The following ITIH6 variants were observed in gnomAD, a reference collection of about 807,000 sequenced individuals.
ITIH6 encodes inter-alpha-trypsin inhibitor heavy chain family member 6, also known as inter-alpha-trypsin inhibitor heavy chain H6.
In ITIH6, 60 loss-of-function variants were observed where a neutral mutation model predicts 58.2. The observed-to-expected ratio is 1.03, with a 90% CI of 0.84 to 1.28. The LOEUF (loss-of-function observed/expected upper bound fraction) is 1.28. ITIH6 is among the 50% of genes most tolerant of loss of function. The pLI is 0.00. For synonymous variants in ITIH6, 493 were observed against 417.4 expected, an observed-to-expected ratio of 1.18 and a Z score of -2.21; for missense variants, 1,290 against 1,021.1, an observed-to-expected ratio of 1.26 and a Z score of -3.59.
rs1308966044 is a variant in ITIH6, at chrX:54,759,840, A to G, written c.991T>C (p.Trp331Arg). ...IISFSDTVNV[W>R]KAGGSIQATI... is the part of the protein sequence containing the mutation. ...GCCTGGATTGAGCCTCCAGCTTTCC[A>G]AACATTAACTGTGTCAGAAAAGGAG... is the stretch of plus-strand genomic sequence containing the variant. Residue 331 changes from tryptophan to arginine, a missense_variant, in exon 7 of 13, where the codon TGG (tryptophan) becomes CGG (arginine). By Grantham distance (101) the Trp-to-Arg change is moderately radical. Coordinates refer to ENST00000218436, the MANE Select transcript of ITIH6 (RefSeq NM_198510.3). The G allele has an allele frequency of 8.3e-7, 1 of 1,208,735 alleles. No individual in the cohort carries two copies. The highest frequency in any genetic ancestry group is 1.1e-6 in the Non-Finnish European group (1 of 893,931).
In ITIH6 at chrX:54,758,533, T is replaced by C; in HGVS notation, c.1541A>G (p.Gln514Arg). 8.3e-7 allele frequency: 1 copy of C among 1,211,286 alleles called. No individual in the cohort carries two copies. Among genetic ancestry groups the C allele is most frequent in the Non-Finnish European group, 1.1e-6 (1 of 895,371 alleles). Reference sequence around the variant, plus strand: ...GGCTGCCAGGTGGATGCCCAGTTCCTGTTTGCCTGGCTGCACCTGTCCTGC... The same window carrying C: ...GGCTGCCAGGTGGATGCCCAGTTCCCGTTTGCCTGGCTGCACCTGTCCTGC... Reference protein sequence around the residue: ...VVAGQVQPGKQELGIHLAARG... With the variant: ...VVAGQVQPGKRELGIHLAARG... Residue 514 changes from glutamine (Q) to arginine (R), a missense_variant, in exon 8 of 13, where the codon CAG becomes CGG. Transcript: ENST00000218436.
At chrX:54,767,423 C>T (rs1426639106) in intron 6 of ITIH6, among the ~76,000 whole-genome samples, 1 of 103,333 alleles carries the variant, frequency 9.7e-6, no homozygotes, top group African/African-American at 3.9e-5. Context: ...TATTTCTTGC[C>T]TTCTGCTAGC....
At chrX:54,785,742 A>G (rs1461314211) in intron 5 of ITIH6, among the ~76,000 whole-genome samples, 1 of 111,518 alleles carries the variant, frequency 9.0e-6, no homozygotes, top group African/African-American at 3.3e-5. Flanking sequence ...TGAAAAGAAA[A>G]TGATTATGCT....
At position 54,757,317 on chromosome X, in the gene ITIH6, G is replaced by A; in HGVS notation, c.2757C>T (p.Thr919=). 2.5e-6 allele frequency: 3 copies of A among 1,198,817 alleles called. No individual in the cohort carries two copies. The South Asian group carries it at 5.5e-5, about 22-fold the overall frequency. Residue 919 remains threonine, a synonymous_variant, in exon 8 of 13, where the codon ACC becomes ACT. Transcript: ENST00000218436. ...GGAGGGGTTCTCCAAGGACAGAGGT[G>A]GTTGTGGTACTGCTGGGACCTGTGG... ...SSSTGPSSTT[T]TSVLGEPLPM...
At chrX:54,792,412 A>AAC (rs2147621671) in intron 2 of ITIH6, among the ~76,000 whole-genome samples, 1 of 112,241 alleles carries the variant, frequency 8.9e-6, no homozygotes, top group African/African-American at 3.2e-5. Flanking sequence ...ATGTATTTAC[A>AAC]GTAATGTTTC....
chrX:54,763,937 A>C (rs1928711264), intron 6 of ITIH6, among the ~76,000 whole-genome samples: 2 of 112,488 alleles, frequency 1.8e-5, no homozygotes, highest in South Asian at 7.3e-4. Context: ...TATATCATAT[A>C]ATGCAACTAT....
chrX:54,791,663 G>A (rs1929351189), intron 3 of ITIH6, among the ~76,000 whole-genome samples: 1 of 111,953 alleles, frequency 8.9e-6, no homozygotes, highest in African/African-American at 3.3e-5. Flanking sequence ...TAACCTTCCT[G>A]GAAGGTGCCA....
chrX:54,751,187 C>T lies in ITIH6; in HGVS notation c.3546G>A (p.Leu1182=), dbSNP rs1159231003. 2 of 1,211,770 alleles carry T rather than the reference C, an allele frequency of 1.7e-6. No individual in the cohort carries two copies. The highest frequency in any genetic ancestry group is 1.8e-5 in the South Asian group (1 of 56,930). ...LRLSWDQPAL[L]KRPQLELYVA... ...CATAGAGCTCCAGCTGGGGCCTCTT[C>T]AGCAGGGCAGGTTGGTCCCAGGACA... Residue 1182 remains leucine (L), a synonymous_variant, in exon 12 of 13, where the codon CTG becomes CTA. Coordinates refer to ENST00000218436, the MANE Select transcript of ITIH6 (RefSeq NM_198510.3).
chrX:54,758,936 G>A lies in ITIH6; in HGVS notation c.1138C>T (p.Pro380Ser), dbSNP rs200176802. 2 of 1,199,430 alleles carry A rather than the reference G, an allele frequency of 1.7e-6. No homozygotes were observed. The highest frequency in any genetic ancestry group is 1.1e-6 in the Non-Finnish European group (1 of 889,663). ...ASVLNHSNQEPGRGPSVGRIP... is the reference protein window; with the variant it reads ...ASVLNHSNQESGRGPSVGRIP... ...CTCCCCACACTGGGGCCCCTCCCAG[G>A]CTCCTGGTTGCTATGGTTCAGCACT... The change falls in exon 8 of 13, where the codon CCT becomes TCT. Residue 380 changes from proline (P) to serine (S), a missense_variant. Pro to Ser is a moderately conservative substitution (Grantham distance 74). Transcript: ENST00000218436.
At chrX:54,750,229 G>C (rs1928326504) in intron 12 of ITIH6, 123 bp from the exon 13 acceptor site, 1 of 529,250 alleles carries the variant, frequency 1.9e-6, no homozygotes, top group Middle Eastern at 5.6e-4. Context: ...GGCAGCAAAA[G>C]ACCAGAGGGA....
At chrX:54,780,594 G>A (rs913746082) in intron 5 of ITIH6, among the ~76,000 whole-genome samples, 4 of 111,437 alleles carry the variant, frequency 3.6e-5, no homozygotes, top group Non-Finnish European at 7.6e-5. Flanking sequence ...ACATAATGAT[G>A]CATCTTAAGG....
intron 5 of ITIH6, among the ~76,000 whole-genome samples, chrX:54,778,420 C>T (rs558730584): frequency 9.0e-6 from 1 of 111,011 alleles, no homozygotes; most frequent in South Asian, 3.8e-4. Flanking sequence ...GTCTCAAAGT[C>T]CTGACTTCAA....
rs754957787 is a variant in ITIH6, at chrX:54,753,761, T to C, written c.3242A>G (p.Asp1081Gly). 24 of 1,190,665 alleles carry C rather than the reference T, an allele frequency of 2.0e-5. No individual in the cohort carries two copies. The Admixed American group carries it at 4.8e-4, about 24-fold the overall frequency. ...TTGGATCACAAAGTGGGGGTCCCCG[T>C]CCACTGCAAGGCAGAAGATACAACT... Reference protein sequence around the residue: ...PSIFTFSSSVDGDPHFVIQIP... With the variant: ...PSIFTFSSSVGGDPHFVIQIP... Residue 1081 changes from aspartate to glycine, a missense_variant, in exon 11 of 13, where the codon GAC becomes GGC. Transcript: ENST00000218436.
chrX:54,759,222 G>A (rs961388527), intron 7 of ITIH6, among the ~76,000 whole-genome samples: 28 of 110,999 alleles, frequency 2.5e-4, no homozygotes, highest in African/African-American at 9.2e-4. Flanking sequence ...GTCTCACACT[G>A]TTCTTTGTCT....
intron 6 of ITIH6, among the ~76,000 whole-genome samples, chrX:54,773,624 C>T (rs1928995416): frequency 9.1e-6 from 1 of 109,622 alleles, no homozygotes; most frequent in Non-Finnish European, 1.9e-5. Flanking sequence ...AGATTAAAAT[C>T]GATATGACTC....
chrX:54,753,901 C>G, intron 10 of ITIH6, 29 bp downstream of exon 10: 1 of 1,203,542 alleles, frequency 8.3e-7, no homozygotes, highest in South Asian at 1.8e-5. Flanking sequence ...TGTACTCAAA[C>G]AGGGGAGCCA....
rs147480670 is a variant in ITIH6, at chrX:54,790,829, C to T, written c.616+8G>A. 2,624 of 1,210,657 alleles carry T rather than the reference C, an allele frequency of 2.2e-3. 26 individuals are homozygous for T. In the African/African-American group the frequency reaches 0.039, roughly 18 times the overall value. ...TCTGATGGGTGACCCATAGTGCTGCCCACATACTTGCATGGGCATTGGTGC... is the reference window on the plus strand; with the variant it reads ...TCTGATGGGTGACCCATAGTGCTGCTCACATACTTGCATGGGCATTGGTGC... On this transcript the variant is annotated splice_region_variant and intron_variant, in intron 4 of 12. Transcript: ENST00000218436.
chrX:54,761,462 T>C (rs1361041038), intron 6 of ITIH6, among the ~76,000 whole-genome samples: 1 of 111,025 alleles, frequency 9.0e-6, no homozygotes, highest in Non-Finnish European at 1.9e-5. Context: ...TTTGTCAATT[T>C]TGGCTTTTGC....
chrX:54,772,398 C>T (rs1330173272), intron 6 of ITIH6, among the ~76,000 whole-genome samples: 3 of 112,091 alleles, frequency 2.7e-5, no homozygotes, highest in Admixed American at 9.5e-5. Flanking sequence ...GTATTACATA[C>T]TGTGCTTATT....
Sources: allele counts gnomAD v4.1 joint callset (sites outside exome capture counted in the v4.1 genomes callset), GRCh38; gene constraint gnomAD v4.1.1; transcripts MANE v1.5; gene names NCBI Gene and HGNC (gene_info 2026-07-23, HGNC 2026-07-21).